Variants in GPC5 observed in about 807,000 individuals in gnomAD.
GPC5 encodes the protein glypican 5, also known as glypican-5.
GPC5 carries 47 observed loss-of-function variants against 53.9 expected under a neutral mutation model. The observed-to-expected ratio is 0.87, with a 90% CI of 0.69 to 1.11. The LOEUF is 1.11. GPC5 is among the 50% of genes most tolerant of loss of function. The pLI is 0.00. For synonymous variants in GPC5, 286 were observed against 263.3 expected (o/e 1.09, Z -0.84); for missense variants, 748 against 713.1 (o/e 1.05, Z -0.56).
At chr13:91,923,871 C>T (rs1262114193) in intron 6 of GPC5, among the ~76,000 whole-genome samples, 1 of 152,066 alleles carries the variant, frequency 6.6e-6, no homozygotes, top group Non-Finnish European at 1.5e-5. Context: ...AGCTTGTCGG[C>T]TTTTAATTAT....
At position 91,425,107 on chromosome 13, in the gene GPC5, G is replaced by A. The variant is rs187441680; in HGVS notation, c.164-23654G>A. Among the ~76,000 whole-genome samples the A allele has an allele frequency of 1.7e-3, 257 of 152,244 alleles. 2 individuals are homozygous for A. Among genetic ancestry groups the A allele is most frequent in the African/African-American group, 5.8e-3 (239 of 41,554 alleles). On this transcript the variant is annotated intron_variant, in intron 1 of 7. Coordinates refer to ENST00000377067, the MANE Select transcript of GPC5 (RefSeq NM_004466.6). ...CATTTAAAATGGAAGATTTATGTTT[G>A]TATAAGGAAAGCAAATATCATTTCT...
At chr13:92,678,918 G>A (rs567623576) in intron 7 of GPC5, among the ~76,000 whole-genome samples, 121 of 152,268 alleles carry the variant, frequency 7.9e-4, no homozygotes, top group African/African-American at 2.9e-3. Context: ...AGAGGATTTG[G>A]TGTTGAATTT....
chr13:91,632,863 G>A (rs1022732588), intron 2 of GPC5, among the ~76,000 whole-genome samples: 1 of 152,076 alleles, frequency 6.6e-6, no homozygotes, highest in African/African-American at 2.4e-5. Context: ...ATCTTCTGCC[G>A]AGGTAGTTCA....
intron 5 of GPC5, among the ~76,000 whole-genome samples, chr13:91,844,737 T>G (rs1383996453): frequency 4.6e-5 from 7 of 152,140 alleles, no homozygotes; most frequent in Non-Finnish European, 8.8e-5. Context: ...TTTTGTTTTT[T>G]TTTAGACAGA....
At chr13:92,023,109 A>G (rs1423915645) in intron 6 of GPC5, among the ~76,000 whole-genome samples, 2 of 152,136 alleles carry the variant, frequency 1.3e-5, no homozygotes, top group Non-Finnish European at 2.9e-5. Context: ...TTTAGAATAA[A>G]CAAAGTGATG....
At chr13:92,038,691 TAGATA>T (rs1438090968) in intron 6 of GPC5, among the ~76,000 whole-genome samples, 1 of 151,462 alleles carries the variant, frequency 6.6e-6, no homozygotes, top group East Asian at 2.0e-4. Context: ...GATAGATAGA[TAGATA>T]GATAGATAGA....
rs539214926 is a variant in GPC5 at position 92,542,255 on chromosome 13, T to C, written c.1562-324027T>C. ...GTTGTTAAATGTAGTCACTCTACAG[T>C]GCTATGGAACACTAGACTCTATTCC... On this transcript the variant is annotated intron_variant, in intron 7 of 7. Transcript: ENST00000377067. Among the ~76,000 whole-genome samples, 3 of 152,092 alleles carry C rather than the reference T, an allele frequency of 2.0e-5. No homozygotes were observed. The South Asian group carries it at 6.2e-4, about 32-fold the overall frequency.
chr13:91,642,175 G>A (rs1196029868), intron 2 of GPC5, among the ~76,000 whole-genome samples: 5 of 152,254 alleles, frequency 3.3e-5, no homozygotes, highest in Non-Finnish European at 2.9e-5. Context: ...GGTCATCAGT[G>A]TATAGATTAG....
At chr13:91,439,998 C>T (rs1880301299) in intron 1 of GPC5, among the ~76,000 whole-genome samples, 1 of 152,238 alleles carries the variant, frequency 6.6e-6, no homozygotes, top group East Asian at 1.9e-4. Context: ...TGTTTACATC[C>T]TGAGATTCTT....
intron 7 of GPC5, among the ~76,000 whole-genome samples, chr13:92,641,823 C>T (rs1053983835): frequency 5.9e-5 from 9 of 152,096 alleles, no homozygotes; most frequent in African/African-American, 1.9e-4. Flanking sequence ...GAGATGTTGG[C>T]ACTTTGGGCA....
rs545669501 is a variant in GPC5 at position 92,568,643 on chromosome 13, T to C, written c.1562-297639T>C. 2.0e-5 allele frequency among the ~76,000 whole-genome samples: 3 copies of C among 152,290 alleles called. No individual in the cohort carries two copies. In the South Asian group the frequency reaches 6.2e-4, roughly 32 times the overall value. On this transcript the variant is annotated intron_variant, in intron 7 of 7. Transcript: ENST00000377067. ...TGATGATACTAATGATAACATGCAT[T>C]TGTGTTCTTATGACTGTGTGCTTAT... is the stretch of plus-strand genomic sequence containing the variant.
chr13:91,789,762 T>C (rs1474731164), intron 5 of GPC5, among the ~76,000 whole-genome samples: 1 of 152,168 alleles, frequency 6.6e-6, no homozygotes, highest in Non-Finnish European at 1.5e-5. Context: ...AAAAGAGGTG[T>C]ATTTGGCGCA....
chr13:92,758,774 T>C (rs1323826572), intron 7 of GPC5, among the ~76,000 whole-genome samples: 1 of 152,124 alleles, frequency 6.6e-6, no homozygotes, highest in Non-Finnish European at 1.5e-5. Context: ...TTTCCTGAGT[T>C]TTTTGTGTGA....
intron 2 of GPC5, among the ~76,000 whole-genome samples, chr13:91,630,770 A>G (rs74892800): frequency 0.12 from 18,662 of 152,136 alleles, 1,177 homozygotes; most frequent in East Asian, 0.19. Context: ...CAGAAAATTC[A>G]CACCTTTTCT....
chr13:92,497,844 C>G (rs537022180), intron 7 of GPC5, among the ~76,000 whole-genome samples: 1 of 152,090 alleles, frequency 6.6e-6, no homozygotes, highest in Non-Finnish European at 1.5e-5. Flanking sequence ...ATTTTACTCT[C>G]TTTGTAGTGA....
At chr13:91,696,406 G>T (rs1172445939) in intron 3 of GPC5, among the ~76,000 whole-genome samples, 1 of 151,978 alleles carries the variant, frequency 6.6e-6, no homozygotes, top group Non-Finnish European at 1.5e-5. Flanking sequence ...TTACTTATGG[G>T]AACAGAAGAA....
intron 3 of GPC5, among the ~76,000 whole-genome samples, chr13:91,702,653 T>A (rs188662263): frequency 9.2e-5 from 14 of 152,192 alleles, no homozygotes; most frequent in Admixed American, 9.2e-4. Context: ...ATTTTAGGAT[T>A]TTTTTCTCTA....
intron 1 of GPC5, among the ~76,000 whole-genome samples, chr13:91,433,468 GT>G (rs1879658457): frequency 6.6e-6 from 1 of 150,610 alleles, no homozygotes; most frequent in Admixed American, 6.7e-5. Flanking sequence ...TTTTGTCCTC[GT>G]GATAGTTTGC....
At chr13:92,550,784 A>C (rs1343842643) in intron 7 of GPC5, among the ~76,000 whole-genome samples, 1 of 151,904 alleles carries the variant, frequency 6.6e-6, no homozygotes, top group Non-Finnish European at 1.5e-5. Flanking sequence ...TATCAGCAGC[A>C]ACAACAGCAG....
Sources: allele counts gnomAD v4.1 joint callset (sites outside exome capture counted in the v4.1 genomes callset), GRCh38; gene constraint gnomAD v4.1.1; transcripts MANE v1.5; gene names NCBI Gene and HGNC (gene_info 2026-07-23, HGNC 2026-07-21).